Variants in GNAI3 observed in about 807,000 individuals in gnomAD.
GNAI3 encodes G protein subunit alpha i3.
GNAI3 carries 12 observed loss-of-function variants against 41.8 expected under a neutral mutation model. That is an observed-to-expected ratio of 0.29 (90% CI 0.18 to 0.47). The LOEUF (loss-of-function observed/expected upper bound fraction) is 0.47. Ranked by LOEUF, GNAI3 falls within the 20% of genes least tolerant of loss-of-function variation. The pLI is 1.00. For synonymous variants in GNAI3, 132 were observed against 146.5 expected (o/e 0.90, Z 0.71); for missense variants, 360 against 429.6 (o/e 0.84, Z 1.43).
rs1649217352 is a variant in GNAI3 at position 109,593,371 on chromosome 1, A to C, written c.*1049A>C. 1 of 152,640 alleles carries C rather than the reference A, an allele frequency of 6.6e-6. No individual in the cohort carries two copies. Among genetic ancestry groups the C allele is most frequent in the Non-Finnish European group, 1.5e-5 (1 of 68,030 alleles). 9.5% of individuals were successfully genotyped at this position (152,640 alleles called of 1,614,324 possible). ...CCCTGTTTGCCATCGTTTTTACTGTACCGATGTTAACTGTAGTAATCCTTA... is the reference window on the plus strand; with the variant it reads ...CCCTGTTTGCCATCGTTTTTACTGTCCCGATGTTAACTGTAGTAATCCTTA... On this transcript the variant is annotated 3_prime_UTR_variant, in exon 9 of 9. Coordinates refer to ENST00000369851, the MANE Select transcript of GNAI3 (RefSeq NM_006496.4).
chr1:109,597,964 A>C lies in GNAI3; in HGVS notation c.*5642A>C, dbSNP rs764672512. The C allele has an allele frequency of 6.6e-6, 1 of 152,234 alleles. No individual in the cohort carries two copies. Among genetic ancestry groups the C allele is most frequent in the Non-Finnish European group, 1.5e-5 (1 of 68,048 alleles). 9.4% of individuals were successfully genotyped at this position (152,234 alleles called of 1,614,324 possible). On this transcript the variant is annotated 3_prime_UTR_variant, in exon 9 of 9. Transcript: ENST00000369851. The stretch of plus-strand genomic sequence containing the variant: ...ATGCCCAGTGCTAGTGTTTTCCTGA[A>C]ATCTAGTGAGAATCACAAGGTACCA...
chr1:109,576,511 TTTG>T (rs1356241061), intron 3 of GNAI3, among the ~76,000 whole-genome samples: 2 of 151,816 alleles, frequency 1.3e-5, no homozygotes, highest in South Asian at 2.1e-4. Context: ...TGTTTTTTTT[TTTG>T]TTGTTGTTTT....
chr1:109,587,724 C>T (rs1029991788), intron 7 of GNAI3, among the ~76,000 whole-genome samples: 1 of 152,090 alleles, frequency 6.6e-6, no homozygotes, highest in African/African-American at 2.4e-5. Flanking sequence ...GTTTAATATC[C>T]TACCATGATC....
intron 7 of GNAI3, among the ~76,000 whole-genome samples, chr1:109,589,150 A>G (rs1240465229): frequency 2.6e-5 from 4 of 152,180 alleles, no homozygotes; most frequent in African/African-American, 9.7e-5. Flanking sequence ...TGACCTATGG[A>G]GATAATATTA....
chr1:109,586,247 C>A lies in GNAI3; in HGVS notation c.622C>A (p.Arg208=). Reference sequence around the variant, plus strand: ...TGATGTAGGTGGCCAAAGATCAGAACGAAAAAAGTGGATTCACTGTTTTGA... The same window carrying A: ...TGATGTAGGTGGCCAAAGATCAGAAAGAAAAAAGTGGATTCACTGTTTTGA... The part of the protein sequence containing the change: ...MFDVGGQRSE[R]KKWIHCFEGV... Residue 208 remains arginine, a synonymous_variant, in exon 6 of 9, where the codon CGA becomes AGA. Coordinates refer to ENST00000369851, the MANE Select transcript of GNAI3 (RefSeq NM_006496.4). The A allele has an allele frequency of 6.2e-7, 1 of 1,613,264 alleles. No homozygotes were observed. Among genetic ancestry groups the A allele is most frequent in the Non-Finnish European group, 8.5e-7 (1 of 1,179,472 alleles).
In GNAI3 at chr1:109,581,199, A is replaced by T. The variant is rs555648110; in HGVS notation, c.462-1238A>T. ...CTAGCCTGGAATCAGCAAAGAATAC[A>T]GTTTTGAAGCAGTCTTTTAATTATT... On this transcript the variant is annotated intron_variant, in intron 4 of 8. Coordinates refer to ENST00000369851, the MANE Select transcript of GNAI3 (RefSeq NM_006496.4). Among the ~76,000 whole-genome samples, 52 of 152,226 alleles carry T rather than the reference A, an allele frequency of 3.4e-4. No individual in the cohort carries two copies. In the South Asian group the frequency reaches 0.011, roughly 31 times the overall value.
chr1:109,548,637 C>A lies in GNAI3; in HGVS notation c.-84C>A. On this transcript the variant is annotated 5_prime_UTR_variant, in exon 1 of 9. Transcript: ENST00000369851. ...GCTGACGGAGAGGGCCACCGCCCAG[C>A]AATAGACGGTGCCTCAGCCTGCCGA... 1 of 905,674 alleles carries A rather than the reference C, an allele frequency of 1.1e-6. No homozygotes were observed. The highest frequency in any genetic ancestry group is 1.8e-6 in the Non-Finnish European group (1 of 556,810). The allele number at this position is 905,674 out of a possible 1,614,324, so 56.1% of individuals were successfully genotyped here. A position where few individuals can be genotyped will look rare whatever the true frequency, so the allele number is the denominator to read the frequency against.
intron 1 of GNAI3, among the ~76,000 whole-genome samples, chr1:109,566,966 G>C (rs1015327627): frequency 6.6e-6 from 1 of 152,196 alleles, no homozygotes; most frequent in Admixed American, 6.5e-5. Flanking sequence ...ATTGGAAATA[G>C]AATGGACTTA....
intron 1 of GNAI3, among the ~76,000 whole-genome samples, chr1:109,566,132 A>G (rs1648447465): frequency 6.6e-6 from 1 of 152,228 alleles, no homozygotes; most frequent in African/African-American, 2.4e-5. Context: ...GCCAGCCACC[A>G]GGGTGGAAGT....
chr1:109,599,530 A>T lies in GNAI3; in HGVS notation c.*7208A>T, dbSNP rs1269775998. 6.6e-6 allele frequency: 1 copy of T among 152,182 alleles called. No homozygotes were observed. Among genetic ancestry groups the T allele is most frequent in the Non-Finnish European group, 1.5e-5 (1 of 68,038 alleles). The allele number at this position is 152,182 out of a possible 1,614,324, so 9.4% of individuals were successfully genotyped here. On this transcript the variant is annotated 3_prime_UTR_variant, in exon 9 of 9. Coordinates refer to ENST00000369851, the MANE Select transcript of GNAI3 (RefSeq NM_006496.4). ...TGTCAATCATATTGTATTTTTGTCT[A>T]AAAAAGGAAAACTATCAGATTTATG...
chr1:109,572,925 A>C (rs998993519), intron 1 of GNAI3, among the ~76,000 whole-genome samples: 2 of 152,210 alleles, frequency 1.3e-5, no homozygotes, highest in African/African-American at 4.8e-5. Context: ...GGTAGAGAAT[A>C]TTAATGGAGG....
chr1:109,555,811 C>T (rs1223479799), intron 1 of GNAI3, among the ~76,000 whole-genome samples: 1 of 152,150 alleles, frequency 6.6e-6, no homozygotes, highest in African/African-American at 2.4e-5. Context: ...TGTTCCTCCC[C>T]CGTGGTGCTG....
At chr1:109,548,902 A>G (rs925709501) in intron 1 of GNAI3, 64 bp downstream of exon 1, 50 of 1,086,486 alleles carry the variant, frequency 4.6e-5, no homozygotes, top group Non-Finnish European at 4.9e-5. Flanking sequence ...GAAGGCCTGA[A>G]CGGGGTCTGG....
In GNAI3 at chr1:109,576,781, CA is replaced by C. The variant is rs556485551; in HGVS notation, c.304-2420del. ...AGGTGATCCATCTGCCTTGGCTGCC[CA>C]AAGTATTGGGATTACAGGCGTGAGC... On this transcript the variant is annotated intron_variant, in intron 3 of 8. Transcript: ENST00000369851. Among the ~76,000 whole-genome samples the C allele has an allele frequency of 3.3e-5, 5 of 152,198 alleles. No individual in the cohort carries two copies. The South Asian group carries it at 8.3e-4, about 25-fold the overall frequency.
At chr1:109,579,461 C>A in intron 4 of GNAI3, 100 bp downstream of exon 4, 1 of 694,078 alleles carries the variant, frequency 1.4e-6, no homozygotes, top group Non-Finnish European at 2.4e-6. Flanking sequence ...AATAGACACT[C>A]TTAGACGTTT....
Position 109,580,733 on chromosome 1 carries a change from G to GCTAT in GNAI3, c.461+1372_461+1373insCTAT, listed in dbSNP as rs1648870490. Reference sequence around the variant, plus strand: ...CTCAGCATCTCTAAACATATAAAAGGGTAATGCAATGGCTATGATGTCACT... The same window carrying GCTAT: ...CTCAGCATCTCTAAACATATAAAAGGCTATGTAATGCAATGGCTATGATGTCACT... On this transcript the variant is annotated intron_variant, in intron 4 of 8. Coordinates refer to ENST00000369851, the MANE Select transcript of GNAI3 (RefSeq NM_006496.4). 2.0e-5 allele frequency among the ~76,000 whole-genome samples: 3 copies of GCTAT among 152,238 alleles called. No individual in the cohort carries two copies. The South Asian group carries it at 6.2e-4, about 32-fold the overall frequency.
chr1:109,564,724 G>A (rs1015604995), intron 1 of GNAI3, among the ~76,000 whole-genome samples: 19 of 152,170 alleles, frequency 1.2e-4, no homozygotes, highest in Non-Finnish European at 2.8e-4. Flanking sequence ...AGGAAAGGTT[G>A]TGGCCTAGAT....
intron 7 of GNAI3, among the ~76,000 whole-genome samples, chr1:109,587,563 G>C (rs1649061373): frequency 6.6e-6 from 1 of 152,096 alleles, no homozygotes; most frequent in African/African-American, 2.4e-5. Flanking sequence ...AGAATATGGA[G>C]GTAGGAAAAT....
At chr1:109,568,477 T>C (rs1014203917) in intron 1 of GNAI3, among the ~76,000 whole-genome samples, 4 of 152,108 alleles carry the variant, frequency 2.6e-5, no homozygotes, top group African/African-American at 7.2e-5. Flanking sequence ...GCCTGGGAGA[T>C]TGAGACTACA....
Sources: allele counts gnomAD v4.1 joint callset (sites outside exome capture counted in the v4.1 genomes callset), GRCh38; gene constraint gnomAD v4.1.1; transcripts MANE v1.5; gene names NCBI Gene and HGNC (gene_info 2026-07-23, HGNC 2026-07-21).